Variants in DNLZ observed in about 807,000 individuals in gnomAD.
DNLZ encodes the protein DNL-type zinc finger protein.
In DNLZ, 15 loss-of-function variants were observed where a neutral mutation model predicts 7.8. The ratio of observed to expected loss-of-function variants is 1.91; its 90% CI spans 1.28 to 2.95. The LOEUF is 2.95. DNLZ is among the 30% of genes most tolerant of loss of function. The probability of loss-of-function intolerance (pLI) is 0.00; values close to 1 mark genes in which losing one functional copy is unlikely to be tolerated. For missense variants in DNLZ, 255 were observed against 167.3 expected, an observed-to-expected ratio of 1.52 and a Z score of -2.89; for synonymous variants, 123 against 77.8, an observed-to-expected ratio of 1.58 and a Z score of -3.05.
At chr9:136,362,936 G>C in intron 2 of DNLZ, 53 bp downstream of exon 2, 1 of 1,585,512 alleles carries the variant, frequency 6.3e-7, no homozygotes, top group Non-Finnish European at 8.7e-7. Context: ...CCCCAGGGAG[G>C]CCAGGGTACT....
chr9:136,363,559 C>T lies in DNLZ; in HGVS notation c.156G>A (p.Glu52=), dbSNP rs1331483737. ...WAWGWRRSSS[E]QGPGPAAALG... ...GAGCCGCCGCGGGCCCCGGCCCCTG[C>T]TCGGAGCTTGAGCGCCGCCAGCCCC... Residue 52 remains glutamate (E), a synonymous_variant, in exon 1 of 3, where the codon GAG becomes GAA. Transcript: ENST00000371738. 2 of 699,698 alleles carry T rather than the reference C, an allele frequency of 2.9e-6. No homozygotes were observed. Among genetic ancestry groups the T allele is most frequent in the East Asian group, 2.8e-5 (1 of 36,072 alleles). The allele number at this position is 699,698 out of a possible 1,614,324, so 43.3% of individuals were successfully genotyped here. A position where few individuals can be genotyped will look rare whatever the true frequency, so the allele number is the denominator to read the frequency against.
chr9:136,362,758 G>A (rs976722312), intron 2 of DNLZ, among the ~76,000 whole-genome samples: 4 of 151,220 alleles, frequency 2.6e-5, no homozygotes, highest in African/African-American at 7.3e-5. Flanking sequence ...GGGCCACAGG[G>A]CTGGCAAAAT....
intron 1 of DNLZ, 125 bp downstream of exon 1, chr9:136,363,362 T>G: frequency 2.8e-6 from 2 of 716,640 alleles, no homozygotes; most frequent in Admixed American, 1.9e-5. Flanking sequence ...CCCCAAGGGG[T>G]GGCTCCACTC....
At position 136,361,258 on chromosome 9, in the gene DNLZ, G is replaced by A. The variant is rs1170533045; in HGVS notation, c.*754C>T. 2.6e-5 allele frequency: 4 copies of A among 152,282 alleles called. No homozygotes were observed. The highest frequency in any genetic ancestry group is 6.5e-5 in the Admixed American group (1 of 15,282). The allele number at this position is 152,282 out of a possible 1,614,324, so 9.4% of individuals were successfully genotyped here. A position where few individuals can be genotyped will look rare whatever the true frequency, so the allele number is the denominator to read the frequency against. On this transcript the variant is annotated 3_prime_UTR_variant, in exon 3 of 3. Transcript: ENST00000371738. ...ATTCTCTTCCCTGCCGGAGTGTGGC[G>A]GGTGATGAATGCTGAAGGTTACGCT...
rs371976364 is a variant in DNLZ at position 136,363,080 on chromosome 9, G to C, written c.277C>G (p.Gln93Glu). 7 of 1,613,686 alleles carry C rather than the reference G, an allele frequency of 4.3e-6. No individual in the cohort carries two copies. Among genetic ancestry groups the C allele is most frequent in the Non-Finnish European group, 5.9e-6 (7 of 1,179,970 alleles). ...SKRISKLAYH[Q>E]GVVIVTCPGC... ...GGGCAGGTCACAATGACCACGCCTT[G>C]GTGATAGGCCAGCTTGGAGATGCGC... Residue 93 changes from glutamine (Q) to glutamate (E), a missense_variant, in exon 2 of 3, where the codon CAA (glutamine) becomes GAA (glutamate). Transcript: ENST00000371738.
chr9:136,362,835 G>C (rs10121646), intron 2 of DNLZ, among the ~76,000 whole-genome samples, 154 bp downstream of exon 2: 2 of 152,236 alleles, frequency 1.3e-5, no homozygotes, highest in Non-Finnish European at 2.9e-5. Flanking sequence ...GGGCTTTATA[G>C]GAAATTCTCA....
At chr9:136,363,246 C>T in intron 1 of DNLZ, 118 bp from the exon 2 acceptor site, 1 of 1,222,854 alleles carries the variant, frequency 8.2e-7, no homozygotes, top group South Asian at 1.4e-5. Context: ...GCCCCGCCCC[C>T]GAGGGATAGC....
rs772290630 is a variant in DNLZ at position 136,362,185 on chromosome 9, G to A, written c.369-5C>T. 2.0e-6 allele frequency: 3 copies of A among 1,480,320 alleles called. No homozygotes were observed. The highest frequency in any genetic ancestry group is 2.7e-5 in the Admixed American group (1 of 36,590). The allele number at this position is 1,480,320 out of a possible 1,614,324, so 91.7% of individuals were successfully genotyped here. On this transcript the variant is annotated splice_region_variant and splice_polypyrimidine_tract_variant and intron_variant, in intron 2 of 2. Coordinates refer to ENST00000371738, the MANE Select transcript of DNLZ (RefSeq NM_001080849.3). ...GTCAGGATCTCTTCGATATTTCTGG[G>A]GGGCAGGGAGGCAACATGGCTCTTC...
Position 136,362,208 on chromosome 9 carries a change from T to C in DNLZ, c.369-28A>G, listed in dbSNP as rs1399822133. The C allele has an allele frequency of 2.1e-6, 3 of 1,459,994 alleles. 1 individual carries two copies. Among genetic ancestry groups the C allele is most frequent in the Middle Eastern group, 2.5e-4 (1 of 3,998 alleles). The allele number at this position is 1,459,994 out of a possible 1,614,324, so 90.4% of individuals were successfully genotyped here. A position where few individuals can be genotyped will look rare whatever the true frequency, so the allele number is the denominator to read the frequency against. ...GGGGGGCAGGGAGGCAACATGGCTCTTCAGGGCCCCCCAGCCGCCCTGCAC... is the reference window on the plus strand; with the variant it reads ...GGGGGGCAGGGAGGCAACATGGCTCCTCAGGGCCCCCCAGCCGCCCTGCAC... On this transcript the variant is annotated intron_variant, in intron 2 of 2. Transcript: ENST00000371738.
At chr9:136,363,277 C>T in intron 1 of DNLZ, 149 bp from the exon 2 acceptor site, 2 of 914,950 alleles carry the variant, frequency 2.2e-6, no homozygotes, top group Admixed American at 2.2e-5. Flanking sequence ...CCCAACCTCG[C>T]CCTCTCCCGG....
chr9:136,362,903 A>C, intron 2 of DNLZ, 86 bp downstream of exon 2: 1 of 1,298,594 alleles, frequency 7.7e-7, no homozygotes, highest in Non-Finnish European at 1.1e-6. Context: ...AGATCTATAA[A>C]CCTCAACACT....
Position 136,363,493 on chromosome 9 carries a change from G to C in DNLZ, c.222C>G (p.Thr74=). 1 of 761,144 alleles carries C rather than the reference G, an allele frequency of 1.3e-6. No homozygotes were observed. The highest frequency in any genetic ancestry group is 2.4e-6 in the Non-Finnish European group (1 of 416,452). The allele number at this position is 761,144 out of a possible 1,614,324, so 47.1% of individuals were successfully genotyped here. ...CGTCCCGCCGCGCGCCTACCTTGCA[G>C]GTGTAGACGAGCTGGTAGTGCGCCG... ...VEAAHYQLVY[T]CKVCGTRSSK... Residue 74 remains threonine (T), a synonymous_variant, in exon 1 of 3, where the codon ACC becomes ACG. Coordinates refer to ENST00000371738, the MANE Select transcript of DNLZ (RefSeq NM_001080849.3).
At position 136,363,101 on chromosome 9, in the gene DNLZ, T is replaced by TGC; in HGVS notation, c.254_255dup (p.Ile86AlafsTer14). ...CCTTGGTGATAGGCCAGCTTGGAGA[T>TGC]GCGCTTGGAGGACCTAGTCCCGCAG... On this transcript the variant is annotated frameshift_variant, in exon 2 of 3. Coordinates refer to ENST00000371738, the MANE Select transcript of DNLZ (RefSeq NM_001080849.3). LOFTEE classifies it high-confidence loss of function. 1 of 1,613,508 alleles carries TGC rather than the reference T, an allele frequency of 6.2e-7. No individual in the cohort carries two copies. Among genetic ancestry groups the TGC allele is most frequent in the East Asian group, 2.2e-5 (1 of 44,888 alleles).
In DNLZ at chr9:136,363,498, A is replaced by G. The variant is rs1350168805; in HGVS notation, c.217T>C (p.Tyr73His). The stretch of plus-strand genomic sequence containing the variant: ...CGCCGCGCGCCTACCTTGCAGGTGT[A>G]GACGAGCTGGTAGTGCGCCGCCTCC... ...RVEAAHYQLV[Y>H]TCKVCGTRSS... Residue 73 changes from tyrosine (Y) to histidine (H), a missense_variant, in exon 1 of 3, where the codon TAC (tyrosine) becomes CAC (histidine). By Grantham distance (83) the Tyr-to-His change is moderately conservative. Transcript: ENST00000371738. The G allele has an allele frequency of 5.3e-6, 4 of 760,016 alleles. No homozygotes were observed. Among genetic ancestry groups the G allele is most frequent in the Non-Finnish European group, 9.6e-6 (4 of 416,082 alleles). The allele number at this position is 760,016 out of a possible 1,614,324, so 47.1% of individuals were successfully genotyped here.
At position 136,363,705 on chromosome 9, in the gene DNLZ, T is replaced by G. The variant is rs775631779; in HGVS notation, c.10A>C (p.Thr4Pro). The G allele has an allele frequency of 1.2e-4, 57 of 462,368 alleles. No individual in the cohort carries two copies. The highest frequency in any genetic ancestry group is 9.3e-4 in the African/African-American group (44 of 47,440). 28.6% of individuals were successfully genotyped at this position (462,368 alleles called of 1,614,324 possible). MLR[T>P]ALRGAPRLLS... is the part of the protein sequence containing the mutation. ...AACCTCGGCGCGCCGCGCAGCGCAG[T>G]CCGCAGCATCCCGCTCGCCGGCTCC... The change falls in exon 1 of 3, where the codon ACT becomes CCT. Residue 4 changes from threonine (T) to proline (P), a missense_variant. By Grantham distance (38) the Thr-to-Pro change is conservative. Transcript: ENST00000371738.
In DNLZ at chr9:136,362,183, G is replaced by T; in HGVS notation, c.369-3C>A. 6.7e-7 allele frequency: 1 copy of T among 1,484,382 alleles called. No individual in the cohort carries two copies. Among genetic ancestry groups the T allele is most frequent in the East Asian group, 2.7e-5 (1 of 36,966 alleles). The allele number at this position is 1,484,382 out of a possible 1,614,324, so 92.0% of individuals were successfully genotyped here. On this transcript the variant is annotated splice_region_variant and splice_polypyrimidine_tract_variant and intron_variant, in intron 2 of 2. Coordinates refer to ENST00000371738, the MANE Select transcript of DNLZ (RefSeq NM_001080849.3). ...CCGTCAGGATCTCTTCGATATTTCT[G>T]GGGGGCAGGGAGGCAACATGGCTCT...
intron 2 of DNLZ, among the ~76,000 whole-genome samples, chr9:136,362,451 G>C (rs1380286189): frequency 6.6e-6 from 1 of 152,208 alleles, no homozygotes; most frequent in African/African-American, 2.4e-5. Flanking sequence ...TCTGATGGGA[G>C]GACAGTCCCA....
chr9:136,362,038 T>TG lies in DNLZ; in HGVS notation c.510dup (p.Ser171GlnfsTer66). ...CAGCTCGGCTCCGTCTTGCCAGGGC[T>TG]GGGGGGACCCTCATCCTCACCCGCT... On this transcript the variant is annotated frameshift_variant, in exon 3 of 3. Coordinates refer to ENST00000371738, the MANE Select transcript of DNLZ (RefSeq NM_001080849.3). LOFTEE classifies it high-confidence loss of function. 1 of 1,371,612 alleles carries TG rather than the reference T, an allele frequency of 7.3e-7. No individual in the cohort carries two copies. The highest frequency in any genetic ancestry group is 1.8e-5 in the South Asian group (1 of 54,362). 85.0% of individuals were successfully genotyped at this position (1,371,612 alleles called of 1,614,324 possible).
rs574486105 is a variant in DNLZ at position 136,363,244 on chromosome 9, C to T, written c.229-116G>A. The T allele has an allele frequency of 4.7e-6, 6 of 1,270,108 alleles. No individual in the cohort carries two copies. The East Asian group carries it at 1.5e-4, about 31-fold the overall frequency. The allele number at this position is 1,270,108 out of a possible 1,614,324, so 78.7% of individuals were successfully genotyped here. ...CACCCTCTCCAGAGAAGGCCCCGCC[C>T]CCGAGGGATAGCTCCACCCACCCCC... On this transcript the variant is annotated intron_variant, in intron 1 of 2. Coordinates refer to ENST00000371738, the MANE Select transcript of DNLZ (RefSeq NM_001080849.3).
Sources: allele counts gnomAD v4.1 joint callset (sites outside exome capture counted in the v4.1 genomes callset), GRCh38; gene constraint gnomAD v4.1.1; transcripts MANE v1.5; gene names NCBI Gene and HGNC (gene_info 2026-07-23, HGNC 2026-07-21).